RBFOX1: variants seen among roughly 807,000 people sequenced by gnomAD.
The protein encoded by RBFOX1 is RNA binding protein fox-1 homolog 1.
A neutral mutation model predicts 57.7 loss-of-function variants in RBFOX1; 8 were observed. The observed-to-expected ratio is 0.14, with a 90% CI of 0.08 to 0.25. The LOEUF (loss-of-function observed/expected upper bound fraction) is 0.25, where lower values mean the gene tolerates loss of function less well. Among genes scored for constraint, RBFOX1 ranks in the 10% least tolerant of loss-of-function variants. The pLI, the probability that RBFOX1 is intolerant of heterozygous loss-of-function variation, is 1.00. For synonymous variants in RBFOX1, 326 were observed against 222.4 expected (o/e 1.47, Z -4.15); for missense variants, 611 against 548.5 (o/e 1.11, Z -1.14).
At chr16:6,250,404 G>A (rs2097599541) in intron 1 of RBFOX1, among the ~76,000 whole-genome samples, 2 of 152,118 alleles carry the variant, frequency 1.3e-5, no homozygotes, top group South Asian at 4.1e-4. Flanking sequence ...TGCAATGTTT[G>A]TGATGCGGAG....
At chr16:7,158,759 A>C (rs1401877874) in intron 4 of RBFOX1, among the ~76,000 whole-genome samples, 1 of 149,546 alleles carries the variant, frequency 6.7e-6, no homozygotes, top group African/African-American at 2.5e-5. Flanking sequence ...TGGTGTGTGC[A>C]TGTCTGTGAG....
chr16:7,655,243 A>G (rs74011951), intron 12 of RBFOX1, among the ~76,000 whole-genome samples: 16,286 of 152,300 alleles, frequency 0.11, 1,387 homozygotes, highest in East Asian at 0.23. Flanking sequence ...AAAAGAAATG[A>G]GAGTAGGTAA....
chr16:7,521,495 G>A (rs2077504117), intron 5 of RBFOX1, among the ~76,000 whole-genome samples: 1 of 151,698 alleles, frequency 6.6e-6, no homozygotes, highest in South Asian at 2.1e-4. Context: ...CCACATCTTT[G>A]CCCTGCAAAA....
intron 2 of RBFOX1, among the ~76,000 whole-genome samples, chr16:6,554,911 G>A (rs2097069423): frequency 6.6e-6 from 1 of 152,138 alleles, no homozygotes; most frequent in Non-Finnish European, 1.5e-5. Flanking sequence ...CCCAGAGTAT[G>A]CTTTTTCTGC....
chr16:5,332,232 G>A (rs1053664257), intron 1 of RBFOX1, among the ~76,000 whole-genome samples: 7 of 151,998 alleles, frequency 4.6e-5, no homozygotes, highest in Non-Finnish European at 7.4e-5. Context: ...TTTTACCCAC[G>A]CAGAGGCATT....
chr16:6,896,135 TG>T, intron 3 of RBFOX1, among the ~76,000 whole-genome samples: 1 of 152,172 alleles, frequency 6.6e-6, no homozygotes, highest in South Asian at 2.1e-4. Context: ...TAGCTGGCAT[TG>T]GTGGTGGGTG....
chr16:6,065,121 G>C (rs957230899), intron 1 of RBFOX1, among the ~76,000 whole-genome samples: 1 of 151,064 alleles, frequency 6.6e-6, no homozygotes, highest in South Asian at 2.1e-4. Flanking sequence ...TTGACCTCCC[G>C]GGCTCAAGTG....
intron 3 of RBFOX1, among the ~76,000 whole-genome samples, chr16:5,788,326 G>C (rs927087716): frequency 1.3e-5 from 2 of 152,134 alleles, no homozygotes; most frequent in East Asian, 3.9e-4. Context: ...CAACAAAAGC[G>C]TCTTTTGAAG....
At chr16:6,691,988 T>G (rs546252277) in intron 3 of RBFOX1, among the ~76,000 whole-genome samples, 1 of 152,276 alleles carries the variant, frequency 6.6e-6, no homozygotes, top group African/African-American at 2.4e-5. Context: ...GACATGGATT[T>G]TTCCCCTACA....
At chr16:5,632,751 G>C (rs1450606720) in intron 3 of RBFOX1, among the ~76,000 whole-genome samples, 1 of 152,132 alleles carries the variant, frequency 6.6e-6, no homozygotes, top group Non-Finnish European at 1.5e-5. Context: ...ACATGCTGCT[G>C]TGATAACACT....
In RBFOX1 at chr16:6,414,121, C is replaced by T. The variant is rs189667914; in HGVS notation, c.-64+97064C>T. Reference sequence around the variant, plus strand: ...TGGAGGAAGATGCCTCCCAAGAGAGCCAGCACAGGCCCTTGGACAATGAAA... The same window carrying T: ...TGGAGGAAGATGCCTCCCAAGAGAGTCAGCACAGGCCCTTGGACAATGAAA... On this transcript the variant is annotated intron_variant, in intron 2 of 15. Transcript: ENST00000550418. Among the ~76,000 whole-genome samples the T allele has an allele frequency of 1.8e-3, 270 of 152,250 alleles. 1 individual carries two copies. The highest frequency in any genetic ancestry group is 6.8e-3 in the Middle Eastern group (2 of 292).
chr16:6,027,511 C>G (rs766659037), intron 1 of RBFOX1, among the ~76,000 whole-genome samples: 7 of 152,168 alleles, frequency 4.6e-5, no homozygotes, highest in Non-Finnish European at 7.3e-5. Context: ...TCACTTTCTT[C>G]AATTTCTCTG....
intron 4 of RBFOX1, among the ~76,000 whole-genome samples, chr16:7,223,477 T>C (rs1462077273): frequency 6.6e-6 from 1 of 152,212 alleles, no homozygotes; most frequent in African/African-American, 2.4e-5. Context: ...ATGCGAATGA[T>C]AGAATATTAT....
chr16:7,456,387 A>G (rs1328472823), intron 4 of RBFOX1, among the ~76,000 whole-genome samples: 1 of 152,220 alleles, frequency 6.6e-6, no homozygotes, highest in African/African-American at 2.4e-5. Context: ...CTATGTTGAT[A>G]TATCACTTGT....
chr16:7,077,610 G>A (rs1048904734), intron 4 of RBFOX1, among the ~76,000 whole-genome samples: 3 of 152,154 alleles, frequency 2.0e-5, no homozygotes, highest in Non-Finnish European at 4.4e-5. Context: ...TCAGTATCAT[G>A]TTTGTGCCTT....
At chr16:5,306,246 A>G (rs2063929861) in intron 1 of RBFOX1, among the ~76,000 whole-genome samples, 1 of 152,206 alleles carries the variant, frequency 6.6e-6, no homozygotes, top group African/African-American at 2.4e-5. Flanking sequence ...GAAGACTTAG[A>G]ACCTTCAGTG....
At chr16:5,400,252 C>T (rs556499852) in intron 1 of RBFOX1, among the ~76,000 whole-genome samples, 5 of 152,092 alleles carry the variant, frequency 3.3e-5, no homozygotes, top group Non-Finnish European at 7.4e-5. Context: ...CCACCACACC[C>T]GGCTGATTTT....
intron 1 of RBFOX1, among the ~76,000 whole-genome samples, chr16:6,082,951 G>A (rs887063276): frequency 2.6e-5 from 4 of 152,154 alleles, no homozygotes; most frequent in East Asian, 1.9e-4. Context: ...CAAGAGGGTC[G>A]TGCTGTAATG....
chr16:6,258,393 A>G (rs189448213), intron 1 of RBFOX1, among the ~76,000 whole-genome samples: 1 of 152,200 alleles, frequency 6.6e-6, no homozygotes, highest in Non-Finnish European at 1.5e-5. Flanking sequence ...CTAAAACAAC[A>G]ATTTCTCTTA....
Sources: gnomAD v4.1 joint callset for allele counts (sites outside exome capture counted in the v4.1 genomes callset) on GRCh38, gnomAD v4.1.1 for gene constraint, MANE v1.5 for transcripts, NCBI Gene and HGNC (gene_info 2026-07-23, HGNC 2026-07-21) for gene names.